The following IL23R variants were observed in gnomAD, a reference collection of about 807,000 sequenced individuals.
IL23R encodes interleukin-23 receptor.
IL23R carries 34 observed loss-of-function variants against 56.9 expected under a neutral mutation model. That is an observed-to-expected ratio of 0.60 (90% CI 0.45 to 0.80). The LOEUF is 0.80. Ranked by LOEUF, IL23R falls within the 30% of genes least tolerant of loss-of-function variation. The pLI is 0.00. For missense variants in IL23R, 635 were observed against 730.0 expected, an observed-to-expected ratio of 0.87 and a Z score of 1.50; for synonymous variants, 230 against 249.2, an observed-to-expected ratio of 0.92 and a Z score of 0.73.
At chr1:67,140,050 G>C (rs1199555592) in intron 1 of IL23R, among the ~76,000 whole-genome samples, 4 of 152,160 alleles carry the variant, frequency 2.6e-5, no homozygotes, top group African/African-American at 9.7e-5. Context: ...CCTCCCAGCA[G>C]CAAGAAGTCC....
chr1:67,201,709 CA>C (rs1347134952), intron 5 of IL23R, among the ~76,000 whole-genome samples: 1 of 151,966 alleles, frequency 6.6e-6, no homozygotes. Context: ...AAAAGTTTTA[CA>C]AAATACATAG....
intron 6 of IL23R, among the ~76,000 whole-genome samples, chr1:67,214,485 C>T (rs1649699941): frequency 6.6e-6 from 1 of 152,266 alleles, no homozygotes; most frequent in Non-Finnish European, 1.5e-5. Flanking sequence ...TCTTTCAGTT[C>T]CATTTGCCAC....
intron 9 of IL23R, among the ~76,000 whole-genome samples, chr1:67,245,291 A>G (rs910921454): frequency 3.9e-5 from 6 of 152,070 alleles, no homozygotes; most frequent in African/African-American, 9.7e-5. Flanking sequence ...CTAATTGAAT[A>G]CCCTTTATTT....
At chr1:67,227,745 A>G (rs1650711449) in intron 7 of IL23R, among the ~76,000 whole-genome samples, 1 of 152,048 alleles carries the variant, frequency 6.6e-6, no homozygotes, top group Non-Finnish European at 1.5e-5. Context: ...GAACTTGTAG[A>G]CTCTATTGGT....
In IL23R at chr1:67,259,294, G is replaced by A; in HGVS notation, c.*166G>A. On this transcript the variant is annotated 3_prime_UTR_variant, in exon 11 of 11. Coordinates refer to ENST00000347310, the MANE Select transcript of IL23R (RefSeq NM_144701.3). ...TCCCTTGGATAAATACCTAGGTAGG[G>A]GATTGCTGGGCCATATGATAAGCAT... The A allele has an allele frequency of 1.5e-6, 1 of 684,158 alleles. No individual in the cohort carries two copies. The highest frequency in any genetic ancestry group is 1.8e-5 in the African/African-American group (1 of 55,926). The allele number at this position is 684,158 out of a possible 1,614,324, so 42.4% of individuals were successfully genotyped here.
chr1:67,180,815 G>C (rs1254149857), intron 3 of IL23R, among the ~76,000 whole-genome samples: 1 of 152,080 alleles, frequency 6.6e-6, no homozygotes, highest in East Asian at 1.9e-4. Context: ...GGCAGGCCTG[G>C]TGGTGACAAA....
intron 6 of IL23R, among the ~76,000 whole-genome samples, chr1:67,216,195 T>C (rs1261816979): frequency 1.3e-5 from 2 of 152,234 alleles, no homozygotes; most frequent in African/African-American, 4.8e-5. Context: ...TTGTATATAC[T>C]TGCCTGTTTA....
At chr1:67,179,869 G>T (rs4916902) in intron 3 of IL23R, among the ~76,000 whole-genome samples, 1 of 151,982 alleles carries the variant, frequency 6.6e-6, no homozygotes, top group Non-Finnish European at 1.5e-5. Context: ...CCTTCATTTC[G>T]TTATGTACCT....
At chr1:67,186,967 A>G (rs560048641) in intron 4 of IL23R, among the ~76,000 whole-genome samples, 174 of 152,114 alleles carry the variant, frequency 1.1e-3, no homozygotes, top group Middle Eastern at 3.4e-3. Context: ...AACACATTTT[A>G]TTTATTTATT....
At chr1:67,229,850 C>T (rs145039196) in intron 7 of IL23R, among the ~76,000 whole-genome samples, 2 of 152,336 alleles carry the variant, frequency 1.3e-5, no homozygotes, top group African/African-American at 4.8e-5. Context: ...CATCTCCCTA[C>T]CTCCCCAACC....
chr1:67,144,142 T>C (rs1252924608), intron 1 of IL23R, among the ~76,000 whole-genome samples: 1 of 152,258 alleles, frequency 6.6e-6, no homozygotes, highest in Admixed American at 6.5e-5. Flanking sequence ...TACTATATTG[T>C]GGGTTTTCAG....
At chr1:67,243,431 G>T (rs1252632688) in intron 9 of IL23R, among the ~76,000 whole-genome samples, 1 of 151,944 alleles carries the variant, frequency 6.6e-6, no homozygotes, top group Non-Finnish European at 1.5e-5. Context: ...TCTACATTAG[G>T]AATTTCTCCT....
Position 67,240,174 on chromosome 1 carries a change from A to G in IL23R, c.1046-5A>G, listed in dbSNP as rs531678327. 3 of 1,575,946 alleles carry G rather than the reference A, an allele frequency of 1.9e-6. No homozygotes were observed. The highest frequency in any genetic ancestry group is 1.1e-5 in the South Asian group (1 of 90,320). On this transcript the variant is annotated splice_region_variant and splice_polypyrimidine_tract_variant and intron_variant, in intron 8 of 10. Coordinates refer to ENST00000347310, the MANE Select transcript of IL23R (RefSeq NM_144701.3). ...GTTAAAATTATTTTTCTTTCCTTTC[A>G]TTAGACAACAGAGGAGACATTGGAC...
chr1:67,206,407 C>T (rs1383192058), intron 5 of IL23R, among the ~76,000 whole-genome samples: 1 of 151,560 alleles, frequency 6.6e-6, no homozygotes, highest in African/African-American at 2.4e-5. Context: ...AACTCCTGGG[C>T]TCAAGTGACC....
chr1:67,208,861 A>G (rs1351199928), intron 6 of IL23R, among the ~76,000 whole-genome samples: 1 of 152,108 alleles, frequency 6.6e-6, no homozygotes, highest in African/African-American at 2.4e-5. Flanking sequence ...AACAGCTTGA[A>G]CCGTGCACCT....
At chr1:67,188,124 A>T (rs928479068) in intron 4 of IL23R, among the ~76,000 whole-genome samples, 2 of 152,244 alleles carry the variant, frequency 1.3e-5, no homozygotes, top group Non-Finnish European at 2.9e-5. Flanking sequence ...ACTTATTTAT[A>T]TCAGGTCATA....
At chr1:67,238,341 G>GGA (rs1651623023) in intron 8 of IL23R, among the ~76,000 whole-genome samples, 1 of 130,600 alleles carries the variant, frequency 7.7e-6, no homozygotes, top group Non-Finnish European at 1.6e-5. Context: ...CCTGTCTCAG[G>GGA]AAAAAAAAAA....
At chr1:67,150,878 A>C (rs1646722837) in intron 1 of IL23R, among the ~76,000 whole-genome samples, 1 of 152,098 alleles carries the variant, frequency 6.6e-6, no homozygotes, top group Non-Finnish European at 1.5e-5. Context: ...GGTTGGTTCC[A>C]TGTTTTGCTG....
chr1:67,148,592 A>C (rs146319046), intron 1 of IL23R, among the ~76,000 whole-genome samples: 2 of 152,356 alleles, frequency 1.3e-5, no homozygotes, highest in Non-Finnish European at 2.9e-5. Flanking sequence ...AGGAATTCTT[A>C]GTCGGCCTAG....
Sources: gnomAD v4.1 joint callset for allele counts (sites outside exome capture counted in the v4.1 genomes callset) on GRCh38, gnomAD v4.1.1 for gene constraint, MANE v1.5 for transcripts, NCBI Gene and HGNC (gene_info 2026-07-23, HGNC 2026-07-21) for gene names.